KLHL29: variants seen among roughly 807,000 people sequenced by gnomAD.
KLHL29 encodes kelch like family member 29, also known as kelch-like protein 29.
A neutral mutation model predicts 80.4 loss-of-function variants in KLHL29; 21 were observed. The observed-to-expected ratio is 0.26, with a 90% CI of 0.19 to 0.38. The LOEUF is 0.38. KLHL29 is among the 10% of genes least tolerant of loss of function. The pLI is 1.00. For synonymous variants in KLHL29, 511 were observed against 526.8 expected, an observed-to-expected ratio of 0.97 and a Z score of 0.41; for missense variants, 867 against 1,223.9, an observed-to-expected ratio of 0.71 and a Z score of 4.35.
At chr2:23,693,871 C>T (rs567245840) in intron 8 of KLHL29, among the ~76,000 whole-genome samples, 1 of 152,272 alleles carries the variant, frequency 6.6e-6, no homozygotes, top group Admixed American at 6.5e-5. Context: ...GGACAGCCCG[C>T]AATGGACCAA....
intron 11 of KLHL29, among the ~76,000 whole-genome samples, chr2:23,701,840 G>A (rs1301524193): frequency 8.0e-6 from 1 of 125,322 alleles, no homozygotes; most frequent in Non-Finnish European, 1.6e-5. Flanking sequence ...TTTGCTCGTT[G>A]CCCAGGCTGG....
At chr2:23,658,991 T>C (rs1280729770) in intron 5 of KLHL29, among the ~76,000 whole-genome samples, 2 of 152,064 alleles carry the variant, frequency 1.3e-5, no homozygotes, top group Non-Finnish European at 2.9e-5. Context: ...CTTCACTCAC[T>C]CTCCCCACCA....
At chr2:23,517,398 G>T (rs1474285572) in intron 2 of KLHL29, among the ~76,000 whole-genome samples, 1 of 152,114 alleles carries the variant, frequency 6.6e-6, no homozygotes. Flanking sequence ...GAAAAATTAG[G>T]TGGGCCTGGT....
intron 2 of KLHL29, among the ~76,000 whole-genome samples, chr2:23,533,934 TG>T (rs1489404064): frequency 2.4e-5 from 3 of 123,980 alleles, no homozygotes; most frequent in Admixed American, 1.5e-4. Flanking sequence ...TGGTGTCTGT[TG>T]TTTTTTTTTT....
chr2:23,625,109 C>T (rs926764169), intron 3 of KLHL29, among the ~76,000 whole-genome samples: 1 of 152,214 alleles, frequency 6.6e-6, no homozygotes, highest in Non-Finnish European at 1.5e-5. Context: ...AAATGTGAGC[C>T]GTGGTCATCC....
chr2:23,614,434 T>C (rs1256146981), intron 3 of KLHL29, among the ~76,000 whole-genome samples: 4 of 151,984 alleles, frequency 2.6e-5, no homozygotes, highest in African/African-American at 7.3e-5. Flanking sequence ...TTGACAGAAC[T>C]AGAAGGGAAA....
chr2:23,441,719 A>G (rs138635061), intron 1 of KLHL29, among the ~76,000 whole-genome samples: 2 of 152,166 alleles, frequency 1.3e-5, no homozygotes, highest in Non-Finnish European at 2.9e-5. Context: ...TGGGAACTCA[A>G]CTGCTGCTGT....
At chr2:23,677,652 G>A (rs1262567437) in intron 5 of KLHL29, among the ~76,000 whole-genome samples, 1 of 152,232 alleles carries the variant, frequency 6.6e-6, no homozygotes, top group Non-Finnish European at 1.5e-5. Context: ...TATCTGATCA[G>A]ACCGGGGAGG....
chr2:23,435,900 T>A (rs1407085570), intron 1 of KLHL29, among the ~76,000 whole-genome samples: 8 of 110,074 alleles, frequency 7.3e-5, no homozygotes, highest in Non-Finnish European at 1.2e-4. Context: ...TCTCTCTCTC[T>A]TTTTTTTTTT....
intron 2 of KLHL29, among the ~76,000 whole-genome samples, chr2:23,499,854 G>A (rs967073798): frequency 2.0e-5 from 3 of 152,236 alleles, no homozygotes; most frequent in Non-Finnish European, 4.4e-5. Context: ...TATTTGAGGC[G>A]CATTCTCTAG....
chr2:23,682,158 G>A lies in KLHL29; in HGVS notation c.941-2241G>A, dbSNP rs375297458. Among the ~76,000 whole-genome samples the A allele has an allele frequency of 3.9e-5, 6 of 152,142 alleles. No homozygotes were observed. The East Asian group carries it at 5.8e-4, about 15-fold the overall frequency. On this transcript the variant is annotated intron_variant, in intron 5 of 13. Coordinates refer to ENST00000486442, the MANE Select transcript of KLHL29 (RefSeq NM_052920.2). This position sits in a 1 kb window ranked among gnomAD's most constrained non-coding sequence, Gnocchi z 4.1. Reference sequence around the variant, plus strand: ...GCACTGAGCCCCACGGGGTCCACACGCTCCTGTTTCTCTGTCCTGCTGTTG... The same window carrying A: ...GCACTGAGCCCCACGGGGTCCACACACTCCTGTTTCTCTGTCCTGCTGTTG...
At chr2:23,483,295 G>A (rs1304498002) in intron 2 of KLHL29, among the ~76,000 whole-genome samples, 1 of 152,208 alleles carries the variant, frequency 6.6e-6, no homozygotes, top group Non-Finnish European at 1.5e-5. Context: ...ATTTATATGT[G>A]TGTGTGCAGG....
intron 2 of KLHL29, among the ~76,000 whole-genome samples, chr2:23,547,202 C>G (rs1667000420): frequency 6.6e-6 from 1 of 152,318 alleles, no homozygotes. Flanking sequence ...CCTGGCCACT[C>G]TGGGGAGGCT....
At chr2:23,394,137 T>C (rs940398981) in intron 1 of KLHL29, among the ~76,000 whole-genome samples, 3 of 152,194 alleles carry the variant, frequency 2.0e-5, no homozygotes, top group Admixed American at 6.5e-5. Flanking sequence ...GGTCATTTAG[T>C]AACACTGAGA....
intron 1 of KLHL29, among the ~76,000 whole-genome samples, chr2:23,470,071 C>CAAAAG (rs1422656747): frequency 2.0e-5 from 3 of 151,726 alleles, no homozygotes; most frequent in Non-Finnish European, 2.9e-5. Flanking sequence ...TTCCTGAAAC[C>CAAAAG]TTTCATGCTG....
chr2:23,519,227 G>C (rs528853973), intron 2 of KLHL29, among the ~76,000 whole-genome samples: 188 of 152,234 alleles, frequency 1.2e-3, no homozygotes, highest in African/African-American at 4.4e-3. Context: ...TCTTGGACCC[G>C]TCCACTACCC....
intron 1 of KLHL29, among the ~76,000 whole-genome samples, chr2:23,466,113 C>T (rs758490094): frequency 6.6e-6 from 1 of 152,138 alleles, no homozygotes; most frequent in Non-Finnish European, 1.5e-5. Context: ...GAAACGCCTC[C>T]TTCCAAAGAC....
intron 2 of KLHL29, among the ~76,000 whole-genome samples, chr2:23,522,009 T>G (rs969139357): frequency 6.6e-6 from 1 of 152,224 alleles, no homozygotes; most frequent in African/African-American, 2.4e-5. Flanking sequence ...GTCATTGTTT[T>G]TGCCTAAAGC....
chr2:23,679,019 G>A (rs1353803595), intron 5 of KLHL29, among the ~76,000 whole-genome samples: 1 of 149,608 alleles, frequency 6.7e-6, no homozygotes, highest in East Asian at 2.0e-4. Context: ...AACTGAACTG[G>A]ACACTTTAAA....
Sources: gnomAD v4.1 joint callset for allele counts (sites outside exome capture counted in the v4.1 genomes callset) on GRCh38, gnomAD v4.1.1 for gene constraint, Gnocchi (gnomAD v3.1) non-coding constraint, MANE v1.5 for transcripts, NCBI Gene and HGNC (gene_info 2026-07-23, HGNC 2026-07-21) for gene names.